The following SLC35F1 variants were observed in gnomAD, a reference collection of about 807,000 sequenced individuals.
The protein encoded by SLC35F1 is solute carrier family 35 member F1, also known as chromosome 6 open reading frame 169.
A neutral mutation model predicts 48.7 loss-of-function variants in SLC35F1; 14 were observed. The observed-to-expected ratio is 0.29, with a 90% confidence interval of 0.19 to 0.45. The LOEUF is 0.45. Among genes scored for constraint, SLC35F1 ranks in the 20% least tolerant of loss-of-function variants. The pLI, the probability that SLC35F1 is intolerant of heterozygous loss-of-function variation, is 1.00. For missense variants in SLC35F1, 404 were observed against 500.0 expected, an observed-to-expected ratio of 0.81 and a Z score of 1.83; for synonymous variants, 190 against 202.2, an observed-to-expected ratio of 0.94 and a Z score of 0.51.
chr6:117,915,925 T>C (rs12664437), intron 1 of SLC35F1, among the ~76,000 whole-genome samples: 43,975 of 152,066 alleles, frequency 0.29, 6,526 homozygotes, highest in Middle Eastern at 0.36. Flanking sequence ...CCAGGTCAGC[T>C]AAAAGAAGAT....
At chr6:117,958,776 A>G (rs1009565693) in intron 1 of SLC35F1, among the ~76,000 whole-genome samples, 3 of 152,210 alleles carry the variant, frequency 2.0e-5, no homozygotes, top group African/African-American at 7.2e-5. Context: ...GTGTTTCCTC[A>G]TTGTTAAGCT....
At chr6:118,067,760 G>A (rs1377823324) in intron 1 of SLC35F1, among the ~76,000 whole-genome samples, 1 of 152,174 alleles carries the variant, frequency 6.6e-6, no homozygotes, top group Non-Finnish European at 1.5e-5. Context: ...AGCAGAGGCA[G>A]GAAAGTATTG....
At position 118,142,388 on chromosome 6, in the gene SLC35F1, A is replaced by T. The variant is rs1370222931; in HGVS notation, c.174-12057A>T. 2.0e-5 allele frequency among the ~76,000 whole-genome samples: 3 copies of T among 152,184 alleles called. No individual in the cohort carries two copies. The East Asian group carries it at 5.8e-4, about 29-fold the overall frequency. On this transcript the variant is annotated intron_variant, in intron 1 of 7. Transcript: ENST00000360388. The stretch of plus-strand genomic sequence containing the variant: ...TATCAAGTCTTTAAACATTCTCCTT[A>T]GATTGCCCTGCCTCAAGGGCTTTCT...
At chr6:118,249,935 G>A (rs879355100) in intron 3 of SLC35F1, among the ~76,000 whole-genome samples, 14 of 152,198 alleles carry the variant, frequency 9.2e-5, no homozygotes, top group Non-Finnish European at 1.8e-4. Flanking sequence ...AGCTGCCCAG[G>A]GCGCTCACCT....
intron 1 of SLC35F1, among the ~76,000 whole-genome samples, chr6:117,965,039 A>G (rs1776543442): frequency 6.6e-6 from 1 of 152,196 alleles, no homozygotes; most frequent in South Asian, 2.1e-4. Flanking sequence ...CTGACATCTC[A>G]TTGACCAGAT....
At chr6:118,230,255 G>T (rs1030240462) in intron 2 of SLC35F1, among the ~76,000 whole-genome samples, 1 of 151,840 alleles carries the variant, frequency 6.6e-6, no homozygotes, top group Admixed American at 6.6e-5. Context: ...CAGGAGCATC[G>T]CTTGAACCCG....
chr6:117,907,957 G>A, intron 1 of SLC35F1, 58 bp downstream of exon 1: 1 of 1,287,020 alleles, frequency 7.8e-7, no homozygotes, highest in Non-Finnish European at 9.8e-7. Flanking sequence ...GCCCGGCTCC[G>A]GGTCCCCTCC....
chr6:118,226,670 A>G (rs1226248343), intron 2 of SLC35F1, among the ~76,000 whole-genome samples: 2 of 152,196 alleles, frequency 1.3e-5, no homozygotes, highest in Admixed American at 6.5e-5. Flanking sequence ...TCTCATGAAG[A>G]TAGAGAGTAG....
chr6:118,262,914 C>G (rs1322868804), intron 3 of SLC35F1, among the ~76,000 whole-genome samples: 1 of 151,938 alleles, frequency 6.6e-6, no homozygotes, highest in Non-Finnish European at 1.5e-5. Context: ...TAATGAGACC[C>G]CATCTCTATT....
intron 1 of SLC35F1, among the ~76,000 whole-genome samples, chr6:118,107,193 C>CA (rs139824944): frequency 2.6e-5 from 4 of 152,012 alleles, no homozygotes; most frequent in South Asian, 2.1e-4. Context: ...GATGCATACA[C>CA]AAAAAAACTG....
At chr6:118,092,617 A>C (rs1456893572) in intron 1 of SLC35F1, among the ~76,000 whole-genome samples, 1 of 152,206 alleles carries the variant, frequency 6.6e-6, no homozygotes, top group Non-Finnish European at 1.5e-5. Context: ...CCAGCCCATG[A>C]AAGTAGCATT....
At chr6:118,073,909 G>A (rs543919517) in intron 1 of SLC35F1, among the ~76,000 whole-genome samples, 4 of 152,038 alleles carry the variant, frequency 2.6e-5, no homozygotes, top group South Asian at 2.1e-4. Flanking sequence ...ATAATTTATC[G>A]TATCAAGATT....
At chr6:118,001,083 G>C (rs1777086161) in intron 1 of SLC35F1, among the ~76,000 whole-genome samples, 1 of 152,152 alleles carries the variant, frequency 6.6e-6, no homozygotes, top group East Asian at 1.9e-4. Flanking sequence ...TTTCTTCACA[G>C]AATTGGAAAA....
chr6:118,053,224 C>T (rs1427835086), intron 1 of SLC35F1, among the ~76,000 whole-genome samples: 1 of 152,070 alleles, frequency 6.6e-6, no homozygotes, highest in African/African-American at 2.4e-5. Flanking sequence ...TCTGGCACTC[C>T]AAACAGAGGA....
Position 118,001,293 on chromosome 6 carries a change from C to T in SLC35F1, c.173+93394C>T, listed in dbSNP as rs542399252. 8.7e-4 allele frequency among the ~76,000 whole-genome samples: 132 copies of T among 152,216 alleles called. 1 individual carries two copies. Among genetic ancestry groups the T allele is most frequent in the African/African-American group, 3.0e-3 (125 of 41,516 alleles). Reference sequence around the variant, plus strand: ...CAGAGCAGAGCCCTCAGAAATAACGCCACATATCTACAACTATCTGATCTT... The same window carrying T: ...CAGAGCAGAGCCCTCAGAAATAACGTCACATATCTACAACTATCTGATCTT... On this transcript the variant is annotated intron_variant, in intron 1 of 7. Transcript: ENST00000360388.
intron 2 of SLC35F1, among the ~76,000 whole-genome samples, chr6:118,216,398 T>G (rs146757164): frequency 0.013 from 2,043 of 151,418 alleles, 22 homozygotes; most frequent in Non-Finnish European, 0.023. Context: ...ATTTTATAAT[T>G]TCTACTACTA....
intron 1 of SLC35F1, among the ~76,000 whole-genome samples, chr6:118,126,296 T>C (rs1267750318): frequency 6.6e-6 from 1 of 152,224 alleles, no homozygotes; most frequent in African/African-American, 2.4e-5. Flanking sequence ...GTTGTAGATA[T>C]GCGGCGTTAT....
intron 1 of SLC35F1, among the ~76,000 whole-genome samples, chr6:117,943,338 C>T (rs546467253): frequency 5.3e-5 from 8 of 152,152 alleles, no homozygotes; most frequent in African/African-American, 1.4e-4. Flanking sequence ...GCTTATAAGT[C>T]GGAATTTAGG....
chr6:117,933,247 A>G (rs1056234412), intron 1 of SLC35F1, among the ~76,000 whole-genome samples: 2 of 152,198 alleles, frequency 1.3e-5, no homozygotes, highest in African/African-American at 4.8e-5. Context: ...ATAATTTATC[A>G]GTACGTACCA....
Sources: allele counts gnomAD v4.1 joint callset (sites outside exome capture counted in the v4.1 genomes callset), GRCh38; gene constraint gnomAD v4.1.1; transcripts MANE v1.5; gene names NCBI Gene and HGNC (gene_info 2026-07-23, HGNC 2026-07-21).